CDC25A: variants seen among roughly 807,000 people sequenced by gnomAD.
CDC25A encodes the protein M-phase inducer phosphatase 1.
Under a neutral mutation model 64.6 loss-of-function variants are expected in CDC25A, and 17 were observed. That is an observed-to-expected ratio of 0.26 (90% CI 0.18 to 0.39). The LOEUF (loss-of-function observed/expected upper bound fraction) is 0.39, where lower values mean the gene tolerates loss of function less well. Among genes scored for constraint, CDC25A ranks in the 10% least tolerant of loss-of-function variants. CDC25A has a pLI of 1.00. For synonymous variants in CDC25A, 229 were observed against 238.6 expected (o/e 0.96, Z 0.37); for missense variants, 473 against 654.8 (o/e 0.72, Z 3.03).
At chr3:48,178,064 T>C in intron 6 of CDC25A, 76 bp from the exon 7 acceptor site, 2 of 1,409,840 alleles carry the variant, frequency 1.4e-6, no homozygotes, top group Admixed American at 2.1e-5. Flanking sequence ...CACTAGTTTT[T>C]ATGATGAAAA....
chr3:48,176,518 T>C (rs1452129229), intron 8 of CDC25A, among the ~76,000 whole-genome samples: 3 of 93,778 alleles, frequency 3.2e-5, no homozygotes, highest in Admixed American at 1.4e-4. Context: ...ATACTGTGTA[T>C]GTGTGTGTGT....
At chr3:48,180,653 GGAT>G (rs1575271438) in intron 6 of CDC25A, 65 bp downstream of exon 6, 1 of 1,551,404 alleles carries the variant, frequency 6.4e-7, no homozygotes, top group East Asian at 2.3e-5. Flanking sequence ...CTTCAATTCT[GGAT>G]GAAAGAAGGT....
In CDC25A at chr3:48,167,920, C is replaced by A; in HGVS notation, c.955G>T (p.Ala319Ser). ...HETLHQSLSLASSPKGTIENI... is the reference protein window; with the variant it reads ...HETLHQSLSLSSSPKGTIENI... ...TCAATGGTTCCTTTGGGGGAAGATG[C>A]CAGGGATAAAGACTGATGAAGAGTC... The change falls in exon 10 of 15, where the codon GCA (alanine) becomes TCA (serine). Residue 319 changes from alanine (A) to serine (S), a missense_variant. By Grantham distance (99) the Ala-to-Ser change is moderately conservative. Around this residue, in one of 2 missense-constraint regions of CDC25A, gnomAD observed 376 missense variants for 431.9 expected, o/e 0.87. Transcript: ENST00000302506. 1.9e-6 allele frequency: 3 copies of A among 1,607,672 alleles called. No homozygotes were observed. Among genetic ancestry groups the A allele is most frequent in the Non-Finnish European group, 1.7e-6 (2 of 1,174,412 alleles).
intron 1 of CDC25A, 40 bp downstream of exon 1, chr3:48,187,738 G>C (rs1489884054): frequency 6.6e-7 from 1 of 1,519,348 alleles, no homozygotes; most frequent in Non-Finnish European, 8.9e-7. Flanking sequence ...CCGACACCGA[G>C]GCCAGGGGCC....
chr3:48,166,031 T>C (rs1167905009), intron 10 of CDC25A, 138 bp from the exon 11 acceptor site: 1 of 657,816 alleles, frequency 1.5e-6, no homozygotes, highest in African/African-American at 1.8e-5. Context: ...ACACCTGTAA[T>C]CCCAGCACTT....
rs540806991 is a variant in CDC25A, at chr3:48,166,257, T to C, written c.1030-364A>G. Among the ~76,000 whole-genome samples the C allele has an allele frequency of 2.6e-5, 4 of 152,304 alleles. No homozygotes were observed. The South Asian group carries it at 8.3e-4, about 32-fold the overall frequency. Reference sequence around the variant, plus strand: ...GAGATTGCACCACTGCACTCCAGCCTGGGTGACAGAGCAAGACTCCCTCTC... The same window carrying C: ...GAGATTGCACCACTGCACTCCAGCCCGGGTGACAGAGCAAGACTCCCTCTC... On this transcript the variant is annotated intron_variant, in intron 10 of 14. Coordinates refer to ENST00000302506, the MANE Select transcript of CDC25A (RefSeq NM_001789.3).
chr3:48,171,499 G>A (rs1285960960), intron 9 of CDC25A, among the ~76,000 whole-genome samples: 2 of 149,254 alleles, frequency 1.3e-5, no homozygotes, highest in African/African-American at 2.5e-5. Context: ...TCCTGCCTCA[G>A]CCTCCTGAGC....
At chr3:48,174,067 G>A (rs1330627995) in intron 9 of CDC25A, among the ~76,000 whole-genome samples, 3 of 152,184 alleles carry the variant, frequency 2.0e-5, no homozygotes, top group African/African-American at 4.8e-5. Context: ...GCCAAGGCAG[G>A]AGGATCACTT....
Position 48,159,354 on chromosome 3 carries a change from A to T in CDC25A, c.1424T>A (p.Met475Lys), listed in dbSNP as rs1358182558. Residue 475 changes from methionine (M) to lysine (K), a missense_variant, in exon 14 of 15, where the codon ATG becomes AAG. Met to Lys is a moderately conservative substitution (Grantham distance 95). Coordinates refer to ENST00000302506, the MANE Select transcript of CDC25A (RefSeq NM_001789.3). ...CAACCCCAGTCTTACCTGGCATTTC[A>T]TAAAGAACTCCTTGTATCCCCCCTT... Reference protein sequence around the residue: ...VLKGGYKEFFMKCQSYCEPPS... With the variant: ...VLKGGYKEFFKKCQSYCEPPS... 2 of 1,611,608 alleles carry T rather than the reference A, an allele frequency of 1.2e-6. No individual in the cohort carries two copies. The highest frequency in any genetic ancestry group is 1.7e-5 in the Admixed American group (1 of 59,968).
chr3:48,174,660 T>G, intron 8 of CDC25A: 1 of 502,460 alleles, frequency 2.0e-6, no homozygotes. Context: ...TCAATGAATA[T>G]ATACTCAGCT....
intron 13 of CDC25A, chr3:48,161,351 A>C (rs1332408142): frequency 6.4e-6 from 1 of 156,702 alleles, no homozygotes; most frequent in East Asian, 1.9e-4. Context: ...GTGAAGTTTC[A>C]ATATGGTATA....
intron 6 of CDC25A, among the ~76,000 whole-genome samples, chr3:48,179,192 G>A (rs1456299176): frequency 6.6e-6 from 1 of 152,152 alleles, no homozygotes; most frequent in Non-Finnish European, 1.5e-5. Flanking sequence ...TAGCCTAGGG[G>A]TAGATAACTT....
intron 9 of CDC25A, among the ~76,000 whole-genome samples, chr3:48,168,955 G>A (rs962400283): frequency 1.3e-5 from 2 of 151,868 alleles, no homozygotes; most frequent in African/African-American, 2.4e-5. Context: ...CCCGGCCTAC[G>A]TCTTAGCTTT....
At chr3:48,178,602 CCTTTTT>C (rs373873356) in intron 6 of CDC25A, among the ~76,000 whole-genome samples, 1 of 152,324 alleles carries the variant, frequency 6.6e-6, no homozygotes, top group African/African-American at 2.4e-5. Flanking sequence ...CTAATCCTTT[CCTTTTT>C]CTTTAGCAAA....
chr3:48,184,544 G>T, intron 3 of CDC25A, 109 bp downstream of exon 3: 1 of 737,524 alleles, frequency 1.4e-6, no homozygotes, highest in Non-Finnish European at 2.3e-6. Flanking sequence ...CTAGGCACAG[G>T]TAAATCCAGG....
chr3:48,173,657 CAAT>C (rs1284520359), intron 9 of CDC25A, among the ~76,000 whole-genome samples: 1 of 152,234 alleles, frequency 6.6e-6, no homozygotes. Flanking sequence ...TCCCTCCCAG[CAAT>C]AATGAGACAA....
chr3:48,180,571 C>T, intron 6 of CDC25A, 150 bp downstream of exon 6: 1 of 777,806 alleles, frequency 1.3e-6, no homozygotes, highest in Non-Finnish European at 2.0e-6. Flanking sequence ...ACAGCAAAAC[C>T]ACCAAGAATG....
chr3:48,176,553 A>ATG (rs1368998925), intron 8 of CDC25A, among the ~76,000 whole-genome samples: 1 of 146,690 alleles, frequency 6.8e-6, no homozygotes, highest in Non-Finnish European at 1.5e-5. Context: ...ATATATATAT[A>ATG]TATATAAAAT....
intron 5 of CDC25A, 111 bp downstream of exon 5, chr3:48,182,818 C>A: frequency 1.4e-6 from 1 of 707,176 alleles, no homozygotes; most frequent in Admixed American, 2.1e-5. Context: ...CCAAAGACCG[C>A]ACATAATGGC....
Sources: gnomAD v4.1 joint callset for allele counts (sites outside exome capture counted in the v4.1 genomes callset) on GRCh38, gnomAD v4.1.1 for gene constraint, gnomAD v4.1.1 regional missense constraint, MANE v1.5 for transcripts, NCBI Gene and HGNC (gene_info 2026-07-23, HGNC 2026-07-21) for gene names.